Variants in FBF1 observed in about 807,000 individuals in gnomAD.
FBF1 encodes the protein Fas binding factor 1, also known as fas-binding factor 1.
A neutral mutation model predicts 147.2 loss-of-function variants in FBF1; 119 were observed. The ratio of observed to expected loss-of-function variants is 0.81; its 90% CI spans 0.70 to 0.94. The LOEUF (loss-of-function observed/expected upper bound fraction) is 0.94, where lower values mean the gene tolerates loss of function less well. FBF1 is among the 40% of genes least tolerant of loss of function. The pLI, the probability that FBF1 is intolerant of heterozygous loss-of-function variation, is 0.00. For missense variants in FBF1, 1,449 were observed against 1,500.8 expected (o/e 0.97, Z 0.57); for synonymous variants, 601 against 609.0 (o/e 0.99, Z 0.19).
chr17:75,925,259 C>G lies in FBF1; in HGVS notation c.968+88G>C, dbSNP rs1293067623. 5 of 998,470 alleles carry G rather than the reference C, an allele frequency of 5.0e-6. No homozygotes were observed. Among genetic ancestry groups the G allele is most frequent in the Non-Finnish European group, 7.4e-6 (5 of 678,840 alleles). 61.9% of individuals were successfully genotyped at this position (998,470 alleles called of 1,614,324 possible). A position where few individuals can be genotyped will look rare whatever the true frequency, so the allele number is the denominator to read the frequency against. On this transcript the variant is annotated intron_variant, in intron 13 of 29. Transcript: ENST00000636174. This position sits in a 1 kb window ranked among gnomAD's most constrained non-coding sequence, Gnocchi z 5.0. The stretch of plus-strand genomic sequence containing the variant: ...CCTGTGGCCTCCCACATGAGACTCT[C>G]GGGTGGGACAGGGGACAGCTGCAGG...
chr17:75,928,191 G>A lies in FBF1; in HGVS notation c.282C>T (p.Asp94=). 6.2e-7 allele frequency: 1 copy of A among 1,613,768 alleles called. No homozygotes were observed. Among genetic ancestry groups the A allele is most frequent in the Non-Finnish European group, 8.5e-7 (1 of 1,179,788 alleles). The change falls in exon 8 of 30, where the codon GAC becomes GAT. Residue 94 remains aspartate, a splice_region_variant and synonymous_variant. Transcript: ENST00000636174. This position sits in a 1 kb window ranked among gnomAD's most constrained non-coding sequence, Gnocchi z 4.2. ...AGATATCAGCATCCATGCCGTCCAG[G>A]TCCTAGAAAACCAGGGAGGGAGGGC... ...DPQALLQAMK[D]LDGMDADILG...
At position 75,923,208 on chromosome 17, in the gene FBF1, C is replaced by G. The variant is rs771018542; in HGVS notation, c.1402G>C (p.Ala468Pro). 1.3e-6 allele frequency: 2 copies of G among 1,588,112 alleles called. No individual in the cohort carries two copies. Among genetic ancestry groups the G allele is most frequent in the Non-Finnish European group, 1.7e-6 (2 of 1,168,032 alleles). Residue 468 changes from alanine to proline, a missense_variant, in exon 14 of 30, where the codon GCG becomes CCG. Ala to Pro is a conservative substitution (Grantham distance 27). Coordinates refer to ENST00000636174, the MANE Select transcript of FBF1 (RefSeq NM_001319193.2). This position sits in a 1 kb window ranked among gnomAD's most constrained non-coding sequence, Gnocchi z 4.1. ...TSEGLHLAGT[A>P]GHPPSGSQPL... The stretch of plus-strand genomic sequence containing the variant: ...TACCTGCCAGAAGGGGGATGGCCCG[C>G]TGTCCCCGCCAAATGCAGGCCCTCA...
At position 75,910,478 on chromosome 17, in the gene FBF1, T is replaced by C. The variant is rs879040632; in HGVS notation, c.*245A>G. ...ACTCAGACCCTCAGATCCAAGCCAATGGCTTTGGGGCAGGGCAGCCAAAGC... is the reference window on the plus strand; with the variant it reads ...ACTCAGACCCTCAGATCCAAGCCAACGGCTTTGGGGCAGGGCAGCCAAAGC... On this transcript the variant is annotated 3_prime_UTR_variant, in exon 30 of 30. Transcript: ENST00000636174. The surrounding 1 kb of genome is among the most constrained non-coding windows in gnomAD (Gnocchi z 4.1). The C allele has an allele frequency of 4.6e-5, 23 of 500,876 alleles. No homozygotes were observed. The South Asian group carries it at 5.1e-4, about 11-fold the overall frequency. The allele number at this position is 500,876 out of a possible 1,614,324, so 31.0% of individuals were successfully genotyped here.
intron 6 of FBF1, 58 bp downstream of exon 6, chr17:75,931,171 A>C (rs2065592091): frequency 6.5e-7 from 1 of 1,534,842 alleles, no homozygotes; most frequent in African/African-American, 1.4e-5. Context: ...TGGCCACAAC[A>C]CCCATCTCAG....
At chr17:75,931,198 T>G (rs368562668) in intron 6 of FBF1, 31 bp downstream of exon 6, 39 of 1,560,410 alleles carry the variant, frequency 2.5e-5, no homozygotes, top group Non-Finnish European at 3.0e-5. Flanking sequence ...TGGGGATAAG[T>G]AGGGAGGTGG....
At chr17:75,935,496 TA>T in intron 4 of FBF1, 135 bp downstream of exon 4, 1 of 862,112 alleles carries the variant, frequency 1.2e-6, no homozygotes, top group Non-Finnish European at 1.7e-6. Flanking sequence ...CTTATGCCTG[TA>T]ATCCCAGCAC....
intron 29 of FBF1, 38 bp downstream of exon 29, chr17:75,912,154 C>T (rs370499785): frequency 3.6e-5 from 56 of 1,560,624 alleles, no homozygotes; most frequent in Admixed American, 9.4e-5. Flanking sequence ...TGGAAGGACT[C>T]GTGAACACAA....
chr17:75,922,912 G>C lies in FBF1; in HGVS notation c.1424+274C>G, dbSNP rs559180618. On this transcript the variant is annotated intron_variant, in intron 14 of 29. Coordinates refer to ENST00000636174, the MANE Select transcript of FBF1 (RefSeq NM_001319193.2). The surrounding 1 kb of genome is among the most constrained non-coding windows in gnomAD (Gnocchi z 5.0). ...CTCAGGGACCCTCTGTCTTCTCCTC[G>C]ATCAAGTTAGCACCTGTCCCCATGG... Among the ~76,000 whole-genome samples, 1 of 152,316 alleles carries C rather than the reference G, an allele frequency of 6.6e-6. No homozygotes were observed. The highest frequency in any genetic ancestry group is 2.1e-4 in the South Asian group (1 of 4,822).
rs987154424 is a variant in FBF1, at chr17:75,910,384, GCAGGGGGAGCCCACAGAGCC to G, written c.*319_*338del. ...GAGCCCACAACAGTCTACCTGTGGA[GCAGGGGGAGCCCACAGAGCC>G]CAGGGGGAGCCCACAGAGCCCAGTG... On this transcript the variant is annotated 3_prime_UTR_variant, in exon 30 of 30. Coordinates refer to ENST00000636174, the MANE Select transcript of FBF1 (RefSeq NM_001319193.2). This position sits in a 1 kb window ranked among gnomAD's most constrained non-coding sequence, Gnocchi z 4.1. 88 of 354,196 alleles carry G rather than the reference GCAGGGGGAGCCCACAGAGCC, an allele frequency of 2.5e-4. No individual in the cohort carries two copies. Among genetic ancestry groups the G allele is most frequent in the South Asian group, 1.5e-3 (45 of 30,270 alleles). 21.9% of individuals were successfully genotyped at this position (354,196 alleles called of 1,614,324 possible).
At chr17:75,937,456 C>T in intron 3 of FBF1, 110 bp downstream of exon 3, 1 of 1,273,188 alleles carries the variant, frequency 7.9e-7, no homozygotes, top group Non-Finnish European at 1.1e-6. Context: ...AGGTGTGAGC[C>T]ACCGTGCCCG....
chr17:75,925,894 T>C lies in FBF1; in HGVS notation c.868+136A>G, dbSNP rs1333797639. Reference sequence around the variant, plus strand: ...AGTATTATTTCACGGTAAGTATTATTTTGTCTCAGCTATAGACGTGTATAA... The same window carrying C: ...AGTATTATTTCACGGTAAGTATTATCTTGTCTCAGCTATAGACGTGTATAA... On this transcript the variant is annotated intron_variant, in intron 12 of 29. Transcript: ENST00000636174. This position sits in a 1 kb window ranked among gnomAD's most constrained non-coding sequence, Gnocchi z 5.0. 3 of 1,258,914 alleles carry C rather than the reference T, an allele frequency of 2.4e-6. No homozygotes were observed. Among genetic ancestry groups the C allele is most frequent in the South Asian group, 1.6e-5 (1 of 61,782 alleles). The allele number at this position is 1,258,914 out of a possible 1,614,324, so 78.0% of individuals were successfully genotyped here. A position where few individuals can be genotyped will look rare whatever the true frequency, so the allele number is the denominator to read the frequency against.
intron 1 of FBF1, among the ~76,000 whole-genome samples, chr17:75,939,425 C>T (rs374398222): frequency 1.3e-5 from 2 of 151,758 alleles, no homozygotes; most frequent in East Asian, 1.9e-4. Flanking sequence ...GTGGCAAGTA[C>T]TCATTTCAGA....
rs1370249793 is a variant in FBF1, at chr17:75,920,100, T to C, written c.1838A>G (p.Lys613Arg). Residue 613 changes from lysine to arginine, a missense_variant, in exon 19 of 30, where the codon AAG (lysine) becomes AGG (arginine). Lys to Arg is a conservative substitution (Grantham distance 26). Coordinates refer to ENST00000636174, the MANE Select transcript of FBF1 (RefSeq NM_001319193.2). ...ATGCTGGGCCCGTTCTAGCTCCAGCTTCCGCACCTGGGAGACAGCAGGAGG... is the reference window on the plus strand; with the variant it reads ...ATGCTGGGCCCGTTCTAGCTCCAGCCTCCGCACCTGGGAGACAGCAGGAGG... The part of the protein sequence containing the change: ...RLAELEAQVR[K>R]LELERAQHEL... 6.3e-7 allele frequency: 1 copy of C among 1,584,646 alleles called. No homozygotes were observed. The highest frequency in any genetic ancestry group is 2.3e-5 in the East Asian group (1 of 42,958).
Position 75,918,126 on chromosome 17 carries a change from A to G in FBF1, c.2246+36T>C, listed in dbSNP as rs368553850. ...CGGTCTCGGGGACCTTCCGGCCCCC[A>G]ACGTCAGGCGGGCATGGTTGGGGCA... On this transcript the variant is annotated intron_variant, in intron 21 of 29. Coordinates refer to ENST00000636174, the MANE Select transcript of FBF1 (RefSeq NM_001319193.2). This position sits in a 1 kb window ranked among gnomAD's most constrained non-coding sequence, Gnocchi z 5.8. 5.6e-6 allele frequency: 9 copies of G among 1,609,706 alleles called. No homozygotes were observed. Among genetic ancestry groups the G allele is most frequent in the African/African-American group, 5.3e-5 (4 of 74,844 alleles).
chr17:75,929,848 C>G (rs2065583407), intron 7 of FBF1, 149 bp downstream of exon 7: 1 of 715,164 alleles, frequency 1.4e-6, no homozygotes, highest in Non-Finnish European at 2.4e-6. Context: ...CAACGGCTCA[C>G]AGACGAGTTC....
At position 75,910,510 on chromosome 17, in the gene FBF1, A is replaced by G. The variant is rs1025426677; in HGVS notation, c.*213T>C. 6 of 546,918 alleles carry G rather than the reference A, an allele frequency of 1.1e-5. No individual in the cohort carries two copies. The highest frequency in any genetic ancestry group is 1.6e-5 in the Non-Finnish European group (5 of 305,954). 33.9% of individuals were successfully genotyped at this position (546,918 alleles called of 1,614,324 possible). On this transcript the variant is annotated 3_prime_UTR_variant, in exon 30 of 30. Transcript: ENST00000636174. This position sits in a 1 kb window ranked among gnomAD's most constrained non-coding sequence, Gnocchi z 4.1. ...GGGGCAGGGCAGCCAAAGCCATGGT[A>G]AGATAGCCTACACCACAGAGCCCCA... is the stretch of plus-strand genomic sequence containing the variant.
intron 28 of FBF1, among the ~76,000 whole-genome samples, chr17:75,913,310 G>A (rs1199005175): frequency 1.3e-5 from 2 of 151,572 alleles, no homozygotes; most frequent in African/African-American, 4.8e-5. Context: ...CACCACACCC[G>A]GCTAATTTTG....
chr17:75,915,314 C>T (rs561945906), intron 23 of FBF1, among the ~76,000 whole-genome samples, 175 bp from the exon 24 acceptor site: 1 of 152,278 alleles, frequency 6.6e-6, no homozygotes, highest in Admixed American at 6.5e-5. Flanking sequence ...GGGCCCAGCC[C>T]GCACGATTCT....
intron 6 of FBF1, 131 bp from the exon 7 acceptor site, chr17:75,930,178 G>A: frequency 1.5e-6 from 1 of 684,408 alleles, no homozygotes; most frequent in South Asian, 1.7e-5. Context: ...GGCCAATGGA[G>A]CTTACACAGG....
Sources: allele counts gnomAD v4.1 joint callset (sites outside exome capture counted in the v4.1 genomes callset), GRCh38; gene constraint gnomAD v4.1.1; non-coding constraint Gnocchi (gnomAD v3.1); transcripts MANE v1.5; gene names NCBI Gene and HGNC (gene_info 2026-07-23, HGNC 2026-07-21).